The following CAMK2A variants were observed in gnomAD, a reference collection of about 807,000 sequenced individuals.
The protein encoded by CAMK2A is calcium/calmodulin dependent protein kinase II alpha.
CAMK2A carries 7 observed loss-of-function variants against 79.2 expected under a neutral mutation model. The observed-to-expected ratio is 0.09, with a 90% CI of 0.05 to 0.17. The LOEUF is 0.17. Ranked by LOEUF, CAMK2A falls within the 10% of genes least tolerant of loss-of-function variation. The pLI is 1.00. For synonymous variants in CAMK2A, 242 were observed against 251.7 expected (o/e 0.96, Z 0.36); for missense variants, 214 against 646.4 (o/e 0.33, Z 7.25).
chr5:150,240,790 C>G (rs1304189580), intron 13 of CAMK2A, among the ~76,000 whole-genome samples: 1 of 152,168 alleles, frequency 6.6e-6, no homozygotes, highest in Non-Finnish European at 1.5e-5. Context: ...TTCCTCTGTC[C>G]AGGTCTCCAG....
intron 2 of CAMK2A, among the ~76,000 whole-genome samples, chr5:150,272,661 A>G (rs1756799161): frequency 6.6e-6 from 1 of 151,796 alleles, no homozygotes; most frequent in South Asian, 2.1e-4. Context: ...AAAGGATGTG[A>G]CCTTCAGCTG....
At position 150,269,428 on chromosome 5, in the gene CAMK2A, G is replaced by A. The variant is rs575735619; in HGVS notation, c.157+3637C>T. The stretch of plus-strand genomic sequence containing the variant: ...TGGGCAGGACTCTACCTCCAGAAGG[G>A]AGTGGACTCCCCTGGGCTCGGTGAT... On this transcript the variant is annotated intron_variant, in intron 2 of 18. Transcript: ENST00000671881. 1.7e-4 allele frequency among the ~76,000 whole-genome samples: 26 copies of A among 151,944 alleles called. No individual in the cohort carries two copies. In the South Asian group the frequency reaches 2.1e-3, roughly 12 times the overall value.
At chr5:150,253,586 C>T (rs564603477) in intron 6 of CAMK2A, 40 bp from the exon 7 acceptor site, 37 of 1,517,102 alleles carry the variant, frequency 2.4e-5, no homozygotes, top group African/African-American at 4.1e-5. Context: ...GGGAGGAAAG[C>T]GCCAAGAGAC....
intron 15 of CAMK2A, among the ~76,000 whole-genome samples, chr5:150,231,613 CAAA>C (rs34708614): frequency 4.2e-4 from 51 of 120,440 alleles, no homozygotes; most frequent in Middle Eastern, 3.5e-3. Flanking sequence ...CCCAGAAAGG[CAAA>C]AAAAAAAAAA....
chr5:150,289,896 T>G, upstream of CAMK2A: 1 of 504,476 alleles, frequency 2.0e-6, no homozygotes, highest in South Asian at 2.6e-5. Flanking sequence ...AACACCTGCC[T>G]GCCTTCCACT....
chr5:150,288,377 C>T lies in CAMK2A; in HGVS notation c.62+1187G>A, dbSNP rs1273017974. On this transcript the variant is annotated intron_variant, in intron 1 of 18. Coordinates refer to ENST00000671881, the MANE Select transcript of CAMK2A (RefSeq NM_015981.4). Reference sequence around the variant, plus strand: ...TCTTGTAATACTCACACACATGCACCCTTGCAAGGCACACTTGCATTTTCA... The same window carrying T: ...TCTTGTAATACTCACACACATGCACTCTTGCAAGGCACACTTGCATTTTCA... Among the ~76,000 whole-genome samples, 3 of 152,296 alleles carry T rather than the reference C, an allele frequency of 2.0e-5. No homozygotes were observed. In the East Asian group the frequency reaches 5.8e-4, roughly 29 times the overall value.
chr5:150,265,155 C>T (rs1327600585), intron 2 of CAMK2A, 140 bp from the exon 3 acceptor site: 7 of 677,340 alleles, frequency 1.0e-5, no homozygotes, highest in Non-Finnish European at 1.9e-5. Context: ...TGGCCAGGGC[C>T]TCTGAGTTCT....
rs549729922 is a variant in CAMK2A, at chr5:150,284,802, G to A, written c.62+4762C>T. On this transcript the variant is annotated intron_variant, in intron 1 of 18. Coordinates refer to ENST00000671881, the MANE Select transcript of CAMK2A (RefSeq NM_015981.4). This position sits in a 1 kb window ranked among gnomAD's most constrained non-coding sequence, Gnocchi z 5.3. The stretch of plus-strand genomic sequence containing the variant: ...ACTTCTCTCTGAGTGTTGGCTCCCA[G>A]AGACCAAGGCAAGGACCATCTATGC... Among the ~76,000 whole-genome samples, 3 of 152,280 alleles carry A rather than the reference G, an allele frequency of 2.0e-5. No homozygotes were observed. In the South Asian group the frequency reaches 6.2e-4, roughly 32 times the overall value.
At position 150,222,602 on chromosome 5, in the gene CAMK2A, T is replaced by C. The variant is rs1427543725; in HGVS notation, c.*108A>G. On this transcript the variant is annotated 3_prime_UTR_variant, in exon 19 of 19. Transcript: ENST00000671881. ...TACAGAAGTGACGGTGGTGGGGTGATGACATGGGAGAATTCCAGCAAAATC... is the reference window on the plus strand; with the variant it reads ...TACAGAAGTGACGGTGGTGGGGTGACGACATGGGAGAATTCCAGCAAAATC... 4 of 1,230,758 alleles carry C rather than the reference T, an allele frequency of 3.3e-6. No individual in the cohort carries two copies. The highest frequency in any genetic ancestry group is 1.5e-5 in the African/African-American group (1 of 67,292). 76.2% of individuals were successfully genotyped at this position (1,230,758 alleles called of 1,614,324 possible).
At chr5:150,235,509 C>T (rs190556654) in intron 15 of CAMK2A, among the ~76,000 whole-genome samples, 53 of 152,336 alleles carry the variant, frequency 3.5e-4, no homozygotes, top group Admixed American at 2.1e-3. Context: ...AAGACTGAAA[C>T]GGGATCAGCA....
intron 10 of CAMK2A, 99 bp from the exon 11 acceptor site, chr5:150,250,408 T>C (rs1755780162): frequency 9.8e-7 from 1 of 1,024,878 alleles, no homozygotes; most frequent in Non-Finnish European, 1.5e-6. Context: ...GGAGGTGTGG[T>C]TGACATCTTG....
intron 2 of CAMK2A, among the ~76,000 whole-genome samples, chr5:150,272,438 G>T (rs543710545): frequency 9.2e-5 from 14 of 152,140 alleles, no homozygotes; most frequent in African/African-American, 3.4e-4. Context: ...CGGGCATGGC[G>T]GTGGACGCTT....
rs530170125 is a variant in CAMK2A at position 150,272,496 on chromosome 5, C to T, written c.157+569G>A. 1.8e-4 allele frequency among the ~76,000 whole-genome samples: 27 copies of T among 151,028 alleles called. No individual in the cohort carries two copies. In the South Asian group the frequency reaches 3.2e-3, roughly 18 times the overall value. ...CTGAGGCAGGAGAATCGCTTGAACC[C>T]GGGAGGCAGAGGTTGCAGTGAGCCA... On this transcript the variant is annotated intron_variant, in intron 2 of 18. Transcript: ENST00000671881.
intron 17 of CAMK2A, 96 bp downstream of exon 17, chr5:150,228,096 C>A (rs1190200620): frequency 7.6e-6 from 8 of 1,055,140 alleles, no homozygotes; most frequent in Non-Finnish European, 9.8e-6. Flanking sequence ...GCTCCTGAGC[C>A]GCCCCTGGGG....
intron 7 of CAMK2A, 49 bp downstream of exon 7, chr5:150,253,395 C>A (rs1238284416): frequency 1.4e-6 from 2 of 1,454,348 alleles, no homozygotes; most frequent in East Asian, 2.3e-5. Context: ...TATGTGTCAA[C>A]ACAAATGGGT....
At position 150,250,900 on chromosome 5, in the gene CAMK2A, G is replaced by A; in HGVS notation, c.694-90C>T. The A allele has an allele frequency of 2.1e-6, 3 of 1,450,036 alleles. No homozygotes were observed. In the South Asian group the frequency reaches 3.7e-5, roughly 18 times the overall value. The allele number at this position is 1,450,036 out of a possible 1,614,324, so 89.8% of individuals were successfully genotyped here. On this transcript the variant is annotated intron_variant, in intron 9 of 18. Coordinates refer to ENST00000671881, the MANE Select transcript of CAMK2A (RefSeq NM_015981.4). Reference sequence around the variant, plus strand: ...CCCTGACTGGCAGGGGAGCAGGCAGGGGTCCTACTGCCCATCCACTCGGAC... The same window carrying A: ...CCCTGACTGGCAGGGGAGCAGGCAGAGGTCCTACTGCCCATCCACTCGGAC...
intron 12 of CAMK2A, chr5:150,245,433 T>C: frequency 1.8e-6 from 1 of 570,194 alleles, no homozygotes; most frequent in Non-Finnish European, 3.1e-6. Flanking sequence ...ATCTCAAGCG[T>C]AACCCTCTGG....
At chr5:150,226,227 A>C (rs1754592530) in intron 17 of CAMK2A, among the ~76,000 whole-genome samples, 2 of 152,272 alleles carry the variant, frequency 1.3e-5, no homozygotes, top group South Asian at 4.2e-4. Flanking sequence ...TAATGTGCAG[A>C]TACAGCAGGT....
At chr5:150,272,428 C>A (rs772192315) in intron 2 of CAMK2A, among the ~76,000 whole-genome samples, 5 of 151,920 alleles carry the variant, frequency 3.3e-5, no homozygotes, top group Admixed American at 1.3e-4. Context: ...AAAAATTAGC[C>A]GGGCATGGCG....
Sources: allele counts gnomAD v4.1 joint callset (sites outside exome capture counted in the v4.1 genomes callset), GRCh38; gene constraint gnomAD v4.1.1; non-coding constraint Gnocchi (gnomAD v3.1); transcripts MANE v1.5; gene names NCBI Gene and HGNC (gene_info 2026-07-23, HGNC 2026-07-21).